Variants in TGFBR3 observed in about 807,000 individuals in gnomAD.
The protein encoded by TGFBR3 is transforming growth factor beta receptor type 3.
TGFBR3 carries 46 observed loss-of-function variants against 87.9 expected under a neutral mutation model. The observed-to-expected ratio is 0.52, with a 90% CI of 0.41 to 0.67. TGFBR3 has a LOEUF of 0.67. TGFBR3 is among the 30% of genes least tolerant of loss of function. TGFBR3 has a pLI of 0.00. For synonymous variants in TGFBR3, 381 were observed against 391.6 expected, an observed-to-expected ratio of 0.97 and a Z score of 0.32; for missense variants, 866 against 1,041.9, an observed-to-expected ratio of 0.83 and a Z score of 2.32.
At chr1:91,865,202 C>CAAAAAAAAAAAAAAAAAAAAA (rs67134125) in intron 1 of TGFBR3, among the ~76,000 whole-genome samples, 1 of 105,262 alleles carries the variant, frequency 9.5e-6, no homozygotes, top group African/African-American at 3.8e-5. Flanking sequence ...GACTCCATCT[C>CAAAAAAAAAAAAAAAAAAAAA]AAAAAAAAAA....
At chr1:91,688,586 A>G (rs1195627046) in intron 16 of TGFBR3, among the ~76,000 whole-genome samples, 4 of 152,202 alleles carry the variant, frequency 2.6e-5, no homozygotes, top group South Asian at 4.1e-4. Flanking sequence ...GGCTGCTCTG[A>G]TGTGTAAGCA....
At chr1:91,729,174 CACACACA>C (rs1429779709) in intron 6 of TGFBR3, among the ~76,000 whole-genome samples, 15 of 147,816 alleles carry the variant, frequency 1.0e-4, no homozygotes, top group Non-Finnish European at 2.0e-4. Flanking sequence ...CACACACACA[CACACACA>C]CACACACACA....
chr1:91,707,988 T>C (rs1671851797), intron 14 of TGFBR3, among the ~76,000 whole-genome samples: 1 of 152,224 alleles, frequency 6.6e-6, no homozygotes, highest in Non-Finnish European at 1.5e-5. Flanking sequence ...GCCAGACCCA[T>C]GCCAGGTCTG....
At chr1:91,791,167 T>G (rs895863969) in intron 3 of TGFBR3, among the ~76,000 whole-genome samples, 1 of 152,124 alleles carries the variant, frequency 6.6e-6, no homozygotes, top group Non-Finnish European at 1.5e-5. Flanking sequence ...ATATGCTAGT[T>G]CTCTCTTACC....
intron 3 of TGFBR3, among the ~76,000 whole-genome samples, chr1:91,763,002 T>A (rs1229174691): frequency 4.6e-5 from 7 of 152,210 alleles, no homozygotes; most frequent in Admixed American, 2.0e-4. Flanking sequence ...GACAATCTTT[T>A]CTGGACCTTG....
intron 2 of TGFBR3, among the ~76,000 whole-genome samples, chr1:91,812,295 A>G (rs548079014): frequency 6.6e-6 from 1 of 152,268 alleles, no homozygotes; most frequent in African/African-American, 2.4e-5. Context: ...CCGCCACACA[A>G]TAAATGCCTC....
At chr1:91,802,602 C>T (rs1324225730) in intron 2 of TGFBR3, among the ~76,000 whole-genome samples, 1 of 152,092 alleles carries the variant, frequency 6.6e-6, no homozygotes, top group East Asian at 1.9e-4. Flanking sequence ...CTCATGTGAT[C>T]CACCTGCGTT....
chr1:91,722,569 C>T (rs1359306216), intron 7 of TGFBR3, among the ~76,000 whole-genome samples: 4 of 152,166 alleles, frequency 2.6e-5, no homozygotes, highest in Admixed American at 2.6e-4. Flanking sequence ...AATTCCCATG[C>T]TTCCACTTCC....
At chr1:91,808,292 T>C (rs1675911495) in intron 2 of TGFBR3, among the ~76,000 whole-genome samples, 1 of 152,150 alleles carries the variant, frequency 6.6e-6, no homozygotes, top group Non-Finnish European at 1.5e-5. Context: ...TAAATTAAAC[T>C]ATGCACAGTA....
At chr1:91,892,998 C>G (rs1454418409) in intron 2 of TGFBR3, among the ~76,000 whole-genome samples, 1 of 152,086 alleles carries the variant, frequency 6.6e-6, no homozygotes, top group Non-Finnish European at 1.5e-5. Flanking sequence ...CTAAAGAAAA[C>G]AACCTCATTG....
intron 2 of TGFBR3, among the ~76,000 whole-genome samples, chr1:91,858,541 G>A (rs981547023): frequency 6.9e-6 from 1 of 143,924 alleles, no homozygotes; most frequent in Non-Finnish European, 1.5e-5. Context: ...CTTGAACCCA[G>A]GAGATGGAGG....
rs150816807 is a variant in TGFBR3, at chr1:91,779,284, T to C, written c.246+18003A>G. Among the ~76,000 whole-genome samples, 871 of 152,362 alleles carry C rather than the reference T, an allele frequency of 5.7e-3. 5 individuals carry two copies. The highest frequency in any genetic ancestry group is 9.2e-3 in the Non-Finnish European group (629 of 68,034). ...GGAGTGCTGATGATATTCCACGCAC[T>C]GTTCTAAGCACCAGTCATGCTTTAA... is the stretch of plus-strand genomic sequence containing the variant. On this transcript the variant is annotated intron_variant, in intron 3 of 16. Transcript: ENST00000212355.
chr1:91,738,229 T>C (rs956684459), intron 4 of TGFBR3, among the ~76,000 whole-genome samples: 15 of 152,222 alleles, frequency 9.9e-5, no homozygotes, highest in Non-Finnish European at 2.9e-5. Context: ...TCTTTCTCCA[T>C]ATATGTGAAC....
At chr1:91,859,908 C>CAAAAAA (rs544117317) in intron 2 of TGFBR3, among the ~76,000 whole-genome samples, 8 of 85,588 alleles carry the variant, frequency 9.3e-5, no homozygotes, top group African/African-American at 3.1e-4. Context: ...GACTCCATCT[C>CAAAAAA]AAAAAAAAAA....
chr1:91,695,584 C>A, intron 16 of TGFBR3, 88 bp downstream of exon 16: 1 of 1,083,968 alleles, frequency 9.2e-7, no homozygotes, highest in Non-Finnish European at 1.4e-6. Flanking sequence ...CTCTTTCATT[C>A]GTTATTTCAT....
rs557470398 is a variant in TGFBR3, at chr1:91,682,740, C to A, written c.*999G>T. On this transcript the variant is annotated 3_prime_UTR_variant, in exon 17 of 17. Transcript: ENST00000212355. ...ATTTTGAGTGGAAACACTCACCCTA[C>A]CAAATATACTTAAGTTGCAACTCTA... The A allele has an allele frequency of 6.1e-4, 279 of 453,828 alleles. 5 individuals are homozygous for A. The highest frequency in any genetic ancestry group is 4.2e-3 in the South Asian group (271 of 64,436). 28.1% of individuals were successfully genotyped at this position (453,828 alleles called of 1,614,324 possible). A position where few individuals can be genotyped will look rare whatever the true frequency, so the allele number is the denominator to read the frequency against.
At chr1:91,865,168 A>C (rs1571585777) in intron 1 of TGFBR3, among the ~76,000 whole-genome samples, 1 of 146,444 alleles carries the variant, frequency 6.8e-6, no homozygotes, top group East Asian at 2.0e-4. Context: ...ATGCCACTGC[A>C]CTCCAGCCTG....
chr1:91,741,930 C>T (rs570158793), intron 4 of TGFBR3, among the ~76,000 whole-genome samples: 1 of 152,282 alleles, frequency 6.6e-6, no homozygotes, highest in African/African-American at 2.4e-5. Context: ...CGGAATGGCA[C>T]CTAAGCATCT....
At chr1:91,763,574 C>A (rs1371084555) in intron 3 of TGFBR3, among the ~76,000 whole-genome samples, 4 of 152,212 alleles carry the variant, frequency 2.6e-5, no homozygotes, top group Non-Finnish European at 4.4e-5. Context: ...ATATAGCCAT[C>A]ATCTGTCCCC....
Sources: allele counts gnomAD v4.1 joint callset (sites outside exome capture counted in the v4.1 genomes callset), GRCh38; gene constraint gnomAD v4.1.1; transcripts MANE v1.5; gene names NCBI Gene and HGNC (gene_info 2026-07-23, HGNC 2026-07-21).